EXOC4: variants seen among roughly 807,000 people sequenced by gnomAD.
EXOC4 encodes SEC8-like 1.
In EXOC4, 71 loss-of-function variants were observed where a neutral mutation model predicts 107.2. The observed-to-expected ratio is 0.66, with a 90% CI of 0.55 to 0.81. EXOC4 has a LOEUF of 0.81. EXOC4 is among the 30% of genes least tolerant of loss of function. The pLI is 0.00. For missense variants in EXOC4, 1,108 were observed against 1,189.6 expected, an observed-to-expected ratio of 0.93 and a Z score of 1.01; for synonymous variants, 456 against 441.2, an observed-to-expected ratio of 1.03 and a Z score of -0.42.
At chr7:133,335,396 A>G (rs1388871846) in intron 5 of EXOC4, among the ~76,000 whole-genome samples, 1 of 151,956 alleles carries the variant, frequency 6.6e-6, no homozygotes, top group Non-Finnish European at 1.5e-5. Flanking sequence ...CCCCCATTCT[A>G]CTTTCTGTTT....
rs193235020 is a variant in EXOC4, at chr7:133,729,117, G to A, written c.1515-88208G>A. On this transcript the variant is annotated intron_variant, in intron 10 of 17. Transcript: ENST00000253861. ...TAGACTCTGTTGGTTCTCAGATAATGTTGGTTATTGATGAATTTTCTTCCA... is the reference window on the plus strand; with the variant it reads ...TAGACTCTGTTGGTTCTCAGATAATATTGGTTATTGATGAATTTTCTTCCA... Among the ~76,000 whole-genome samples the A allele has an allele frequency of 2.0e-5, 3 of 152,194 alleles. No homozygotes were observed. The East Asian group carries it at 5.8e-4, about 29-fold the overall frequency.
intron 14 of EXOC4, among the ~76,000 whole-genome samples, chr7:133,943,253 C>G (rs1800473014): frequency 6.6e-6 from 1 of 152,142 alleles, no homozygotes. Flanking sequence ...CTTGAAATGC[C>G]TACCTAGTTC....
intron 11 of EXOC4, among the ~76,000 whole-genome samples, chr7:133,844,378 C>CTTTTTTTTTTTTTTTT (rs761535651): frequency 2.4e-5 from 2 of 83,392 alleles, no homozygotes; most frequent in African/African-American, 1.2e-4. Flanking sequence ...CCACATATTC[C>CTTTTTTTTTTTTTTTT]TTTTTTTTTT....
chr7:133,316,305 A>G (rs1794989533), intron 4 of EXOC4, among the ~76,000 whole-genome samples: 1 of 152,036 alleles, frequency 6.6e-6, no homozygotes, highest in Non-Finnish European at 1.5e-5. Flanking sequence ...AATCTTTCCT[A>G]TAGGCGTGGT....
chr7:133,837,405 TAGC>T (rs1797940374), intron 11 of EXOC4, among the ~76,000 whole-genome samples: 1 of 152,156 alleles, frequency 6.6e-6, no homozygotes, highest in South Asian at 2.1e-4. Flanking sequence ...GACCATAAAA[TAGC>T]AGCCACATTG....
intron 9 of EXOC4, among the ~76,000 whole-genome samples, chr7:133,580,736 C>T (rs1801246585): frequency 6.6e-6 from 1 of 152,180 alleles, no homozygotes; most frequent in Non-Finnish European, 1.5e-5. Flanking sequence ...GTGTAGATAA[C>T]TGTCCTTTCT....
chr7:133,657,053 A>G (rs1007284858), intron 10 of EXOC4, among the ~76,000 whole-genome samples: 12 of 152,176 alleles, frequency 7.9e-5, no homozygotes, highest in African/African-American at 2.9e-4. Flanking sequence ...TTAGTCTGGA[A>G]AGGTAAAATG....
intron 9 of EXOC4, among the ~76,000 whole-genome samples, chr7:133,619,023 T>C (rs990810882): frequency 6.6e-6 from 1 of 151,974 alleles, no homozygotes; most frequent in Non-Finnish European, 1.5e-5. Flanking sequence ...CTTCCTAGAG[T>C]GTTTGGAAAG....
At chr7:133,850,378 G>T (rs1250511070) in intron 11 of EXOC4, among the ~76,000 whole-genome samples, 2 of 152,012 alleles carry the variant, frequency 1.3e-5, no homozygotes, top group African/African-American at 4.8e-5. Context: ...TATGAAAACT[G>T]ATTCATTTCC....
chr7:133,724,539 C>T, intron 10 of EXOC4, among the ~76,000 whole-genome samples: 1 of 151,816 alleles, frequency 6.6e-6, no homozygotes, highest in East Asian at 1.9e-4. Flanking sequence ...ATATTAGTGA[C>T]AAAACAGAAA....
At chr7:133,372,611 C>G (rs1337700164) in intron 6 of EXOC4, among the ~76,000 whole-genome samples, 3 of 152,102 alleles carry the variant, frequency 2.0e-5, no homozygotes, top group African/African-American at 7.2e-5. Flanking sequence ...GACTGACAGG[C>G]AAGGTATGCA....
rs1380780415 is a variant in EXOC4, at chr7:133,755,302, T to TTA, written c.1515-62013_1515-62012dup. On this transcript the variant is annotated intron_variant, in intron 10 of 17. Coordinates refer to ENST00000253861, the MANE Select transcript of EXOC4 (RefSeq NM_021807.4). ...ATATATTATATACATATTATATATATTATATATATATTATATATATATAAT... is the reference window on the plus strand; with the variant it reads ...ATATATTATATACATATTATATATATTATATATATATATTATATATATATAAT... 1.5e-4 allele frequency among the ~76,000 whole-genome samples: 18 copies of TTA among 119,174 alleles called. No homozygotes were observed. The East Asian group carries it at 2.0e-3, about 13-fold the overall frequency. The allele number at this position is 119,174 out of a possible 152,430, so 78.2% of individuals were successfully genotyped here. A position where few individuals can be genotyped will look rare whatever the true frequency, so the allele number is the denominator to read the frequency against.
At chr7:133,301,786 A>C (rs1381212297) in intron 3 of EXOC4, among the ~76,000 whole-genome samples, 1 of 152,214 alleles carries the variant, frequency 6.6e-6, no homozygotes. Flanking sequence ...GAAAAATAAA[A>C]AGATCAATAG....
chr7:133,963,776 G>A (rs1237523798), intron 14 of EXOC4, among the ~76,000 whole-genome samples: 1 of 152,226 alleles, frequency 6.6e-6, no homozygotes, highest in Non-Finnish European at 1.5e-5. Flanking sequence ...GCCCAGGACT[G>A]TGTTAGGCAT....
At chr7:134,013,450 A>C (rs1451701953) in intron 17 of EXOC4, among the ~76,000 whole-genome samples, 3 of 152,340 alleles carry the variant, frequency 2.0e-5, no homozygotes, top group East Asian at 3.9e-4. Context: ...ATGATGACTA[A>C]AATGTACTTT....
intron 7 of EXOC4, among the ~76,000 whole-genome samples, chr7:133,448,023 C>T (rs964362918): frequency 6.6e-6 from 1 of 152,124 alleles, no homozygotes; most frequent in Admixed American, 6.5e-5. Flanking sequence ...AATAGTTGAG[C>T]CACTATTAGT....
chr7:133,769,132 G>C (rs1796196272), intron 10 of EXOC4, among the ~76,000 whole-genome samples: 1 of 151,924 alleles, frequency 6.6e-6, no homozygotes. Flanking sequence ...TGCAAATGCA[G>C]GTAAAGAGGC....
chr7:133,739,482 C>T (rs893205314), intron 10 of EXOC4, among the ~76,000 whole-genome samples: 2 of 152,104 alleles, frequency 1.3e-5, no homozygotes, highest in African/African-American at 4.8e-5. Context: ...GTCTCCAGTC[C>T]TAATGATGTG....
chr7:133,672,719 A>G (rs962229620), intron 10 of EXOC4, among the ~76,000 whole-genome samples: 1 of 152,144 alleles, frequency 6.6e-6, no homozygotes, highest in Non-Finnish European at 1.5e-5. Flanking sequence ...ACCAAAAGAA[A>G]TCAGTTTCCA....
Sources: gnomAD v4.1 joint callset for allele counts (sites outside exome capture counted in the v4.1 genomes callset) on GRCh38, gnomAD v4.1.1 for gene constraint, MANE v1.5 for transcripts, NCBI Gene and HGNC (gene_info 2026-07-23, HGNC 2026-07-21) for gene names.